ZRANB1: variants seen among roughly 807,000 people sequenced by gnomAD.
ZRANB1 encodes the protein zinc finger RANBP2-type containing 1, also known as ubiquitin thioesterase ZRANB1.
Under a neutral mutation model 80.5 loss-of-function variants are expected in ZRANB1, and 16 were observed. That is an observed-to-expected ratio of 0.20 (90% confidence interval 0.13 to 0.30). The LOEUF (loss-of-function observed/expected upper bound fraction) is 0.30. Among genes scored for constraint, ZRANB1 ranks in the 10% least tolerant of loss-of-function variants. ZRANB1 has a pLI of 1.00. For missense variants in ZRANB1, 576 were observed against 862.6 expected, an observed-to-expected ratio of 0.67 and a Z score of 4.16; for synonymous variants, 291 against 293.1, an observed-to-expected ratio of 0.99 and a Z score of 0.07.
Position 124,943,104 on chromosome 10 carries a change from G to A in ZRANB1, c.611G>A (p.Arg204Lys), listed in dbSNP as rs1951550891. The A allele has an allele frequency of 6.2e-7, 1 of 1,614,072 alleles. No homozygotes were observed. The highest frequency in any genetic ancestry group is 8.5e-7 in the Non-Finnish European group (1 of 1,180,044). ...IINEQDRARWRGSCSSGNSQR... is the reference protein window; with the variant it reads ...IINEQDRARWKGSCSSGNSQR... ...AATGAGCAAGACAGAGCTCGATGGA[G>A]GGGAAGTTGCAGTAGTGGTAATAGC... The change falls in exon 1 of 9, where the codon AGG becomes AAG. Residue 204 changes from arginine (R) to lysine (K), a missense_variant. Physicochemically the swap from Arg to Lys is conservative, Grantham distance 26. Transcript: ENST00000359653.
the ZRANB1 span, among the ~76,000 whole-genome samples, chr10:124,929,006 G>T: frequency 1.3e-5 from 2 of 152,148 alleles, no homozygotes; most frequent in Non-Finnish European, 2.9e-5. Context: ...AGTAAGGCTG[G>T]GGAGTTTTAA....
chr10:124,982,849 A>G (rs556908768), intron 6 of ZRANB1, among the ~76,000 whole-genome samples: 61 of 152,374 alleles, frequency 4.0e-4, no homozygotes, highest in African/African-American at 1.4e-3. Context: ...CTTAACGAGA[A>G]TGTGATAATA....
intron 1 of ZRANB1, among the ~76,000 whole-genome samples, chr10:124,955,683 A>G (rs1166370666): frequency 6.6e-6 from 1 of 152,206 alleles, no homozygotes; most frequent in Admixed American, 6.5e-5. Flanking sequence ...ATCTTCAGGT[A>G]GTTTTTGTTT....
the ZRANB1 span, among the ~76,000 whole-genome samples, chr10:124,924,053 A>T: frequency 2.6e-5 from 4 of 151,638 alleles, no homozygotes; most frequent in South Asian, 8.3e-4. Context: ...TGTCAAGTCA[A>T]TTTTTAATGT....
intron 1 of ZRANB1, among the ~76,000 whole-genome samples, chr10:124,951,079 A>G (rs1022871865): frequency 2.0e-5 from 3 of 152,190 alleles, no homozygotes; most frequent in African/African-American, 7.2e-5. Flanking sequence ...ATTACATTTT[A>G]AAATATTCTT....
intron 1 of ZRANB1, among the ~76,000 whole-genome samples, chr10:124,965,284 TATA>T (rs1288851457): frequency 1.3e-5 from 2 of 152,222 alleles, no homozygotes; most frequent in Non-Finnish European, 2.9e-5. Context: ...GCATTCTTAA[TATA>T]ATGGGTTTTC....
At chr10:124,974,062 T>C in intron 4 of ZRANB1, 138 bp from the exon 5 acceptor site, 1 of 739,956 alleles carries the variant, frequency 1.4e-6, no homozygotes, top group Non-Finnish European at 2.2e-6. Context: ...TATATTTCAA[T>C]TGGTCAATTT....
At chr10:124,949,380 T>G (rs892938787) in intron 1 of ZRANB1, among the ~76,000 whole-genome samples, 2 of 151,784 alleles carry the variant, frequency 1.3e-5, no homozygotes, top group African/African-American at 4.8e-5. Flanking sequence ...AAATCAAACT[T>G]AAGTAACAAG....
intron 1 of ZRANB1, among the ~76,000 whole-genome samples, chr10:124,952,544 A>G (rs1177983183): frequency 6.6e-6 from 1 of 152,230 alleles, no homozygotes; most frequent in East Asian, 1.9e-4. Flanking sequence ...TTAAGTCACT[A>G]AGGTTGTAAT....
At position 124,985,255 on chromosome 10, in the gene ZRANB1, T is replaced by G. The variant is rs1952007529; in HGVS notation, c.*263T>G. ...ACTTTTTTTCCTTCCAAATTGTAAATCTGTCTATAAATGTAACGCATGTGG... is the reference window on the plus strand; with the variant it reads ...ACTTTTTTTCCTTCCAAATTGTAAAGCTGTCTATAAATGTAACGCATGTGG... On this transcript the variant is annotated 3_prime_UTR_variant, in exon 9 of 9. Transcript: ENST00000359653. 1 of 391,550 alleles carries G rather than the reference T, an allele frequency of 2.6e-6. No homozygotes were observed. Among genetic ancestry groups the G allele is most frequent in the African/African-American group, 2.0e-5 (1 of 49,186 alleles). The allele number at this position is 391,550 out of a possible 1,614,324, so 24.3% of individuals were successfully genotyped here.
chr10:124,943,391 A>G, intron 1 of ZRANB1, 84 bp downstream of exon 1: 3 of 1,352,234 alleles, frequency 2.2e-6, no homozygotes, highest in Non-Finnish European at 3.0e-6. Context: ...GCGCTGACAC[A>G]CGTTTGTGGT....
chr10:124,978,365 A>T (rs1951899172), intron 5 of ZRANB1, among the ~76,000 whole-genome samples: 1 of 152,194 alleles, frequency 6.6e-6, no homozygotes, highest in Non-Finnish European at 1.5e-5. Context: ...TTCTTAAGTC[A>T]TATAAGATAC....
intron 5 of ZRANB1, among the ~76,000 whole-genome samples, chr10:124,974,841 G>T (rs1951862090): frequency 6.6e-6 from 1 of 152,146 alleles, no homozygotes; most frequent in Admixed American, 6.5e-5. Context: ...CTCAATTGCT[G>T]TGCTGGAGTG....
the ZRANB1 span, among the ~76,000 whole-genome samples, chr10:124,916,991 C>G: frequency 7.2e-5 from 11 of 152,064 alleles, no homozygotes; most frequent in Admixed American, 5.2e-4. Flanking sequence ...GCTCCCCAGT[C>G]TCCGCGCCTC....
At chr10:124,932,320 C>T in the ZRANB1 span, among the ~76,000 whole-genome samples, 8 of 138,052 alleles carry the variant, frequency 5.8e-5, no homozygotes, top group Admixed American at 6.4e-4. Context: ...GATGGAGTCT[C>T]ACTCTGTTGC....
chr10:124,965,923 C>T (rs1951771912), intron 1 of ZRANB1, among the ~76,000 whole-genome samples: 1 of 152,114 alleles, frequency 6.6e-6, no homozygotes, highest in South Asian at 2.1e-4. Flanking sequence ...CTGTTTCCCC[C>T]CTACTCTAAC....
chr10:124,928,399 T>G, the ZRANB1 span, among the ~76,000 whole-genome samples: 1 of 152,064 alleles, frequency 6.6e-6, no homozygotes, highest in Admixed American at 6.6e-5. Context: ...TTTACAGATG[T>G]GAAGAGCCAT....
chr10:124,956,171 C>G (rs1392707569), intron 1 of ZRANB1, among the ~76,000 whole-genome samples: 1 of 152,126 alleles, frequency 6.6e-6, no homozygotes, highest in Non-Finnish European at 1.5e-5. Flanking sequence ...AGCATTGATT[C>G]AGTAACGGCT....
At chr10:124,930,820 C>CT in the ZRANB1 span, among the ~76,000 whole-genome samples, 2 of 152,044 alleles carry the variant, frequency 1.3e-5, no homozygotes, top group Non-Finnish European at 2.9e-5. Context: ...AGATTGAGGC[C>CT]TGGAGTTCGA....
Sources: gnomAD v4.1 joint callset for allele counts (sites outside exome capture counted in the v4.1 genomes callset) on GRCh38, gnomAD v4.1.1 for gene constraint, MANE v1.5 for transcripts, NCBI Gene and HGNC (gene_info 2026-07-23, HGNC 2026-07-21) for gene names.